The following CNTLN variants were observed in gnomAD, a reference collection of about 807,000 sequenced individuals.
CNTLN encodes the protein centlein, centrosomal protein.
A neutral mutation model predicts 180.0 loss-of-function variants in CNTLN; 212 were observed. The ratio of observed to expected loss-of-function variants is 1.18; its 90% confidence interval spans 1.05 to 1.32. The LOEUF (loss-of-function observed/expected upper bound fraction) is 1.32. Among genes scored for constraint, CNTLN ranks in the 40% most tolerant of loss-of-function variants. The probability of loss-of-function intolerance (pLI) is 0.00; values close to 1 mark genes in which losing one functional copy is unlikely to be tolerated. For missense variants in CNTLN, 2,095 were observed against 1,610.9 expected (o/e 1.30, Z -5.14); for synonymous variants, 722 against 563.1 (o/e 1.28, Z -3.99).
At chr9:17,345,860 C>T (rs897480660) in intron 12 of CNTLN, among the ~76,000 whole-genome samples, 3 of 152,130 alleles carry the variant, frequency 2.0e-5, no homozygotes, top group African/African-American at 7.2e-5. Context: ...TTTATCCTTT[C>T]TACTGTCCTC....
intron 8 of CNTLN, among the ~76,000 whole-genome samples, chr9:17,310,464 C>T (rs1256148496): frequency 6.6e-6 from 1 of 152,134 alleles, no homozygotes; most frequent in African/African-American, 2.4e-5. Flanking sequence ...ACTATTTTTA[C>T]ATGTATCTCT....
chr9:17,385,919 T>C (rs1825651612), intron 13 of CNTLN, among the ~76,000 whole-genome samples: 2 of 152,318 alleles, frequency 1.3e-5, no homozygotes, highest in African/African-American at 4.8e-5. Context: ...TCTTATTGTA[T>C]CACAAGTACC....
intron 18 of CNTLN, among the ~76,000 whole-genome samples, chr9:17,429,189 A>G (rs1829265504): frequency 6.6e-6 from 1 of 152,092 alleles, no homozygotes; most frequent in African/African-American, 2.4e-5. Context: ...ATACATAAGC[A>G]GATTCATAGT....
chr9:17,302,110 ACACACACACAGACACACAC>A (rs1818406710), intron 7 of CNTLN: 1 of 756,572 alleles, frequency 1.3e-6, no homozygotes, highest in African/African-American at 2.9e-5. Context: ...ACACACACAC[ACACACACACAGACACACAC>A]ACACTGACCT....
At chr9:17,324,464 G>A (rs778329242) in intron 8 of CNTLN, among the ~76,000 whole-genome samples, 1 of 152,074 alleles carries the variant, frequency 6.6e-6, no homozygotes, top group Non-Finnish European at 1.5e-5. Flanking sequence ...TTACTCTTAG[G>A]ATTGGAATCT....
chr9:17,379,412 C>G (rs887331913), intron 13 of CNTLN, among the ~76,000 whole-genome samples: 1 of 152,146 alleles, frequency 6.6e-6, no homozygotes, highest in Non-Finnish European at 1.5e-5. Context: ...CCTGCAAACT[C>G]TAGCTCACTT....
chr9:17,304,020 A>G (rs1293164991), intron 7 of CNTLN, among the ~76,000 whole-genome samples: 1 of 152,148 alleles, frequency 6.6e-6, no homozygotes, highest in Non-Finnish European at 1.5e-5. Flanking sequence ...CCCTTACATT[A>G]CCCATTCTTT....
chr9:17,311,314 C>A (rs1264887070), intron 8 of CNTLN, among the ~76,000 whole-genome samples: 1 of 151,848 alleles, frequency 6.6e-6, no homozygotes. Flanking sequence ...CATGAGCCAC[C>A]GTGCCTGGCC....
In CNTLN at chr9:17,502,828, C is replaced by A; in HGVS notation, c.*176C>A. Reference sequence around the variant, plus strand: ...CTGAACAAGTGAAACTAATTAAGTACATAGCCATTTAAAAGGAAATAGTGT... The same window carrying A: ...CTGAACAAGTGAAACTAATTAAGTAAATAGCCATTTAAAAGGAAATAGTGT... On this transcript the variant is annotated 3_prime_UTR_variant, in exon 26 of 26. Coordinates refer to ENST00000380647, the MANE Select transcript of CNTLN (RefSeq NM_017738.4). The A allele has an allele frequency of 2.8e-6, 1 of 351,366 alleles. No individual in the cohort carries two copies. The highest frequency in any genetic ancestry group is 5.2e-6 in the Non-Finnish European group (1 of 191,338). 21.8% of individuals were successfully genotyped at this position (351,366 alleles called of 1,614,324 possible).
intron 10 of CNTLN, among the ~76,000 whole-genome samples, chr9:17,337,494 T>G (rs892717741): frequency 5.9e-5 from 9 of 151,728 alleles, no homozygotes; most frequent in Non-Finnish European, 8.8e-5. Flanking sequence ...CAAAATTATT[T>G]GGTAATATTG....
chr9:17,316,971 G>T (rs1292213974), intron 8 of CNTLN, among the ~76,000 whole-genome samples: 1 of 151,620 alleles, frequency 6.6e-6, no homozygotes, highest in Non-Finnish European at 1.5e-5. Context: ...TTTATATATT[G>T]TATGCCCATC....
At chr9:17,265,692 A>G (rs542732236) in intron 5 of CNTLN, among the ~76,000 whole-genome samples, 33 of 152,142 alleles carry the variant, frequency 2.2e-4, no homozygotes, top group African/African-American at 7.5e-4. Flanking sequence ...TTGGTAAGCT[A>G]TTGATTATTG....
chr9:17,138,766 C>T (rs1817886677), intron 1 of CNTLN, among the ~76,000 whole-genome samples: 2 of 152,118 alleles, frequency 1.3e-5, no homozygotes, highest in African/African-American at 2.4e-5. Flanking sequence ...GAGTTCATTC[C>T]TCCAGTAGAG....
chr9:17,261,084 G>A (rs1308506511), intron 5 of CNTLN, among the ~76,000 whole-genome samples: 1 of 151,460 alleles, frequency 6.6e-6, no homozygotes, highest in African/African-American at 2.4e-5. Context: ...CTGTAGCCCT[G>A]TAGTATAGTT....
At chr9:17,291,651 T>C (rs1829418102) in intron 6 of CNTLN, among the ~76,000 whole-genome samples, 1 of 152,202 alleles carries the variant, frequency 6.6e-6, no homozygotes, top group Non-Finnish European at 1.5e-5. Flanking sequence ...TGCTTTCCAT[T>C]TGCTTGGTAT....
intron 5 of CNTLN, among the ~76,000 whole-genome samples, chr9:17,255,250 C>A (rs942290225): frequency 6.6e-6 from 1 of 151,572 alleles, no homozygotes; most frequent in Non-Finnish European, 1.5e-5. Context: ...GAGTGGGCAA[C>A]CTCATCTTGT....
intron 16 of CNTLN, among the ~76,000 whole-genome samples, chr9:17,414,989 G>A (rs1430653196): frequency 1.3e-5 from 2 of 152,014 alleles, no homozygotes; most frequent in African/African-American, 4.8e-5. Flanking sequence ...GGGAGGCTGA[G>A]GCATGAGAAT....
the CNTLN span, among the ~76,000 whole-genome samples, chr9:17,511,096 T>C: frequency 1.3e-5 from 2 of 152,198 alleles, no homozygotes; most frequent in African/African-American, 4.8e-5. Flanking sequence ...TTTTTCTTTT[T>C]GAGTTCTAGT....
At chr9:17,216,168 C>T (rs1327767531) in intron 2 of CNTLN, among the ~76,000 whole-genome samples, 1 of 152,170 alleles carries the variant, frequency 6.6e-6, no homozygotes, top group African/African-American at 2.4e-5. Flanking sequence ...TAGACTGGAG[C>T]TGTTCCTATT....
Sources: allele counts gnomAD v4.1 joint callset (sites outside exome capture counted in the v4.1 genomes callset), GRCh38; gene constraint gnomAD v4.1.1; transcripts MANE v1.5; gene names NCBI Gene and HGNC (gene_info 2026-07-23, HGNC 2026-07-21).